Variants in LNX1 observed in about 807,000 individuals in gnomAD.
The protein encoded by LNX1 is E3 ubiquitin-protein ligase LNX.
A neutral mutation model predicts 68.4 loss-of-function variants in LNX1; 54 were observed. The observed-to-expected ratio is 0.79, with a 90% CI of 0.63 to 0.99. The LOEUF (loss-of-function observed/expected upper bound fraction) is 0.99. Among genes scored for constraint, LNX1 ranks in the 50% least tolerant of loss-of-function variants. The probability of loss-of-function intolerance (pLI) is 0.00; values close to 1 mark genes in which losing one functional copy is unlikely to be tolerated. For missense variants in LNX1, 906 were observed against 926.4 expected (o/e 0.98, Z 0.29); for synonymous variants, 336 against 350.0 (o/e 0.96, Z 0.45).
chr4:53,643,316 A>G (rs1347542531), intron 1 of LNX1, among the ~76,000 whole-genome samples: 2 of 151,958 alleles, frequency 1.3e-5, no homozygotes, highest in African/African-American at 2.4e-5. Context: ...ATGCCAGCTA[A>G]TTTTTAAGTT....
chr4:53,521,466 A>G (rs985009473), intron 2 of LNX1, among the ~76,000 whole-genome samples: 6 of 152,176 alleles, frequency 3.9e-5, no homozygotes, highest in Non-Finnish European at 5.9e-5. Context: ...GATATGCTGC[A>G]TGACACTCAG....
intron 2 of LNX1, among the ~76,000 whole-genome samples, chr4:53,519,656 A>AGCTGACACAC (rs1553934433): frequency 1.3e-5 from 2 of 151,440 alleles, no homozygotes; most frequent in African/African-American, 4.9e-5. Context: ...CTGTCAAGGT[A>AGCTGACACAC]TCTGACACAC....
intron 1 of LNX1, among the ~76,000 whole-genome samples, chr4:53,644,338 G>T (rs1288083030): frequency 6.6e-6 from 1 of 152,102 alleles, no homozygotes; most frequent in Non-Finnish European, 1.5e-5. Context: ...GAGGTGGAGG[G>T]TTGCAGTGAG....
intron 2 of LNX1, among the ~76,000 whole-genome samples, chr4:53,606,246 G>A (rs1454302853): frequency 1.3e-5 from 2 of 151,794 alleles, no homozygotes; most frequent in Non-Finnish European, 2.9e-5. Flanking sequence ...AATGACAAAG[G>A]GGATATTATC....
chr4:53,623,473 A>G (rs1452475429), intron 1 of LNX1, among the ~76,000 whole-genome samples: 1 of 152,036 alleles, frequency 6.6e-6, no homozygotes, highest in Admixed American at 6.6e-5. Context: ...AGCTCAGGTG[A>G]TCCACCTGCC....
Position 53,461,573 on chromosome 4 carries a change from T to G in LNX1, c.1913A>C (p.Asp638Ala). ...ELPRCLYNCK[D>A]IVLRRNTAGS... ...AGCTGTGTTTCTTCGTAATACAATATCTTTACAGTTATACAAGCACCTGAA... is the reference window on the plus strand; with the variant it reads ...AGCTGTGTTTCTTCGTAATACAATAGCTTTACAGTTATACAAGCACCTGAA... Residue 638 changes from aspartate to alanine, a missense_variant, in exon 10 of 11, where the codon GAT becomes GCT. Physicochemically the swap from Asp to Ala is moderately radical, Grantham distance 126 (BLOSUM62 -2). Transcript: ENST00000263925. The G allele has an allele frequency of 6.2e-7, 1 of 1,611,666 alleles. No individual in the cohort carries two copies. The highest frequency in any genetic ancestry group is 2.2e-5 in the East Asian group (1 of 44,818).
intron 1 of LNX1, among the ~76,000 whole-genome samples, chr4:53,628,501 G>T (rs1734155387): frequency 6.6e-6 from 1 of 152,164 alleles, no homozygotes; most frequent in Non-Finnish European, 1.5e-5. Flanking sequence ...TAGAAGCATT[G>T]TGGATGTGAC....
At chr4:53,468,077 A>T (rs1222814049) in intron 9 of LNX1, among the ~76,000 whole-genome samples, 1 of 152,236 alleles carries the variant, frequency 6.6e-6, no homozygotes, top group Non-Finnish European at 1.5e-5. Flanking sequence ...AAAAATGTTC[A>T]GGGCAGCCAG....
At chr4:53,527,926 T>C (rs17082953) in intron 2 of LNX1, among the ~76,000 whole-genome samples, 31,380 of 152,212 alleles carry the variant, frequency 0.21, 3,558 homozygotes, top group East Asian at 0.35. Context: ...AATTAGGTGA[T>C]GTTTATGGTC....
rs59232300 is a variant in LNX1, at chr4:53,520,578, G to A, written c.381-12351C>T. Among the ~76,000 whole-genome samples the A allele has an allele frequency of 8.0e-3, 1,214 of 152,308 alleles. 19 individuals carry two copies. Among genetic ancestry groups the A allele is most frequent in the African/African-American group, 0.028 (1,152 of 41,572 alleles). ...TTTGAGTTTTCTGTTATCTGTCCAT[G>A]CATTCAAGTGTGTATGTGATGTGAT... On this transcript the variant is annotated intron_variant, in intron 2 of 10. Transcript: ENST00000263925.
At chr4:53,648,076 T>C (rs1016568642) in intron 1 of LNX1, among the ~76,000 whole-genome samples, 1 of 152,272 alleles carries the variant, frequency 6.6e-6, no homozygotes, top group African/African-American at 2.4e-5. Context: ...GGAGTACAAA[T>C]ATATGTTTGA....
At chr4:53,566,447 C>T (rs1162713710) in intron 2 of LNX1, among the ~76,000 whole-genome samples, 2 of 151,694 alleles carry the variant, frequency 1.3e-5, no homozygotes, top group African/African-American at 2.4e-5. Flanking sequence ...CAAGCAAATG[C>T]TGAGAGATTT....
At chr4:53,608,547 A>G (rs1577790254) in intron 2 of LNX1, among the ~76,000 whole-genome samples, 1 of 152,338 alleles carries the variant, frequency 6.6e-6, no homozygotes, top group Admixed American at 6.5e-5. Flanking sequence ...CGTGGAAAGC[A>G]GTGTGGAGAT....
intron 2 of LNX1, among the ~76,000 whole-genome samples, chr4:53,540,562 A>G (rs1045462730): frequency 6.6e-6 from 1 of 151,180 alleles, no homozygotes; most frequent in African/African-American, 2.4e-5. Flanking sequence ...GGTGCCTGTA[A>G]TCCCAGCTAC....
intron 2 of LNX1, among the ~76,000 whole-genome samples, chr4:53,557,056 C>T (rs6844977): frequency 0.23 from 35,747 of 152,180 alleles, 5,150 homozygotes; most frequent in Non-Finnish European, 0.32. Context: ...CATATGATTG[C>T]TAGAAGTCAT....
intron 2 of LNX1, among the ~76,000 whole-genome samples, chr4:53,597,589 T>C (rs1399689255): frequency 1.3e-5 from 2 of 152,192 alleles, no homozygotes; most frequent in Non-Finnish European, 2.9e-5. Flanking sequence ...TGCACCTCTC[T>C]TTCCTGTCTT....
intron 3 of LNX1, among the ~76,000 whole-genome samples, chr4:53,507,698 C>T (rs1725998201): frequency 6.6e-6 from 1 of 152,112 alleles, no homozygotes; most frequent in African/African-American, 2.4e-5. Flanking sequence ...GAATACAATA[C>T]CACTTTTCTT....
intron 2 of LNX1, among the ~76,000 whole-genome samples, chr4:53,528,309 A>T (rs1321355399): frequency 6.6e-6 from 1 of 152,230 alleles, no homozygotes; most frequent in Non-Finnish European, 1.5e-5. Flanking sequence ...CAAACTATTA[A>T]GTAGAAAATT....
chr4:53,510,666 CAAATACTTGAATG>C (rs1726264127), intron 2 of LNX1, among the ~76,000 whole-genome samples: 1 of 152,184 alleles, frequency 6.6e-6, no homozygotes, highest in African/African-American at 2.4e-5. Flanking sequence ...TCCAACGTAA[CAAATACTTGAATG>C]AAACACTTCC....
Sources: allele counts gnomAD v4.1 joint callset (sites outside exome capture counted in the v4.1 genomes callset), GRCh38; gene constraint gnomAD v4.1.1; transcripts MANE v1.5; gene names NCBI Gene and HGNC (gene_info 2026-07-23, HGNC 2026-07-21).